MAGI1: variants seen among roughly 807,000 people sequenced by gnomAD.
MAGI1 encodes the protein membrane associated guanylate kinase, WW and PDZ domain containing 1.
Under a neutral mutation model 139.9 loss-of-function variants are expected in MAGI1, and 58 were observed. The ratio of observed to expected loss-of-function variants is 0.41; its 90% confidence interval spans 0.34 to 0.52. The LOEUF (loss-of-function observed/expected upper bound fraction) is 0.52, where lower values mean the gene tolerates loss of function less well. Among genes scored for constraint, MAGI1 ranks in the 20% least tolerant of loss-of-function variants. MAGI1 has a pLI of 0.12. For synonymous variants in MAGI1, 812 were observed against 737.9 expected (o/e 1.10, Z -1.63); for missense variants, 1,874 against 1,901.6 (o/e 0.99, Z 0.27).
At chr3:65,442,586 C>T (rs952310474) in intron 8 of MAGI1, among the ~76,000 whole-genome samples, 2 of 152,060 alleles carry the variant, frequency 1.3e-5, no homozygotes, top group Non-Finnish European at 2.9e-5. Flanking sequence ...ATGGATCCTG[C>T]CCATGTGAAT....
Position 65,356,888 on chromosome 3 carries a change from T to A in MAGI1, c.3879A>T (p.Ala1293=). 1.9e-6 allele frequency: 3 copies of A among 1,614,154 alleles called. No individual in the cohort carries two copies. In the South Asian group the frequency reaches 3.3e-5, roughly 18 times the overall value. ...NGTSRKPDSG[A]CRPKDRAPEG... ...CCGGCGCCCGGTCCTTGGGTCGGCATGCCCCGCTGTCGGGTTTCCTCGAAG... is the reference window on the plus strand; with the variant it reads ...CCGGCGCCCGGTCCTTGGGTCGGCAAGCCCCGCTGTCGGGTTTCCTCGAAG... The change falls in exon 23 of 23, where the codon GCA becomes GCT. Residue 1293 remains alanine, a synonymous_variant. Transcript: ENST00000402939.
intron 1 of MAGI1, among the ~76,000 whole-genome samples, chr3:65,908,536 G>A (rs185507068): frequency 8.8e-4 from 134 of 152,174 alleles, no homozygotes; most frequent in Middle Eastern, 6.8e-3. Flanking sequence ...CACCCGCCTC[G>A]GCCTCCCAAA....
intron 1 of MAGI1, among the ~76,000 whole-genome samples, chr3:65,729,669 T>A (rs2033987960): frequency 6.6e-6 from 1 of 152,174 alleles, no homozygotes. Flanking sequence ...GGAACCCATC[T>A]TTGAAGCTCC....
chr3:65,621,747 T>A (rs965982383), intron 2 of MAGI1, among the ~76,000 whole-genome samples: 1 of 152,168 alleles, frequency 6.6e-6, no homozygotes, highest in Admixed American at 6.5e-5. Context: ...AAAGTGGGCC[T>A]TACAAAGGGT....
At chr3:65,483,633 C>G (rs985096484) in intron 3 of MAGI1, among the ~76,000 whole-genome samples, 1 of 152,228 alleles carries the variant, frequency 6.6e-6, no homozygotes, top group African/African-American at 2.4e-5. Flanking sequence ...CCCACAGGCT[C>G]TGCGTTATCC....
chr3:65,927,393 C>T (rs1252251359), intron 1 of MAGI1, among the ~76,000 whole-genome samples: 8 of 152,142 alleles, frequency 5.3e-5, no homozygotes, highest in African/African-American at 9.7e-5. Flanking sequence ...CATAATCACG[C>T]CCACTGAATG....
chr3:65,878,880 A>G (rs1037473947), intron 1 of MAGI1, among the ~76,000 whole-genome samples: 14 of 152,256 alleles, frequency 9.2e-5, no homozygotes, highest in Admixed American at 8.5e-4. Flanking sequence ...AGGTAGGGGA[A>G]AGAGCAGAGG....
intron 6 of MAGI1, 196 bp downstream of exon 6, chr3:65,453,062 G>A: frequency 1.7e-6 from 1 of 582,486 alleles, no homozygotes; most frequent in Non-Finnish European, 3.1e-6. Flanking sequence ...CTGTCTTTAT[G>A]TGTAAACAAA....
intron 1 of MAGI1, among the ~76,000 whole-genome samples, chr3:65,854,107 CA>C (rs990836127): frequency 8.3e-5 from 11 of 132,654 alleles, no homozygotes; most frequent in Non-Finnish European, 6.5e-5. Flanking sequence ...GACTCTGTCT[CA>C]AAAAAAAAAG....
At chr3:65,624,427 G>C (rs1483758954) in intron 1 of MAGI1, among the ~76,000 whole-genome samples, 1 of 152,130 alleles carries the variant, frequency 6.6e-6, no homozygotes, top group Non-Finnish European at 1.5e-5. Flanking sequence ...AAGCACTGGG[G>C]TGTTACATAG....
At chr3:65,885,646 G>A (rs960744235) in intron 1 of MAGI1, among the ~76,000 whole-genome samples, 1 of 151,956 alleles carries the variant, frequency 6.6e-6, no homozygotes, top group African/African-American at 2.4e-5. Context: ...GAGATCTGAC[G>A]GTTTTATAAA....
chr3:65,659,884 G>C (rs756036535), intron 1 of MAGI1, among the ~76,000 whole-genome samples: 1 of 152,102 alleles, frequency 6.6e-6, no homozygotes, highest in Non-Finnish European at 1.5e-5. Flanking sequence ...CTCCAAATGA[G>C]TGGATGGCAA....
chr3:65,625,536 T>C (rs1190638405), intron 1 of MAGI1, among the ~76,000 whole-genome samples: 1 of 152,150 alleles, frequency 6.6e-6, no homozygotes, highest in Non-Finnish European at 1.5e-5. Context: ...AATAGAACAC[T>C]GATGTAATAT....
intron 1 of MAGI1, among the ~76,000 whole-genome samples, chr3:65,786,608 ATTTT>A (rs34768515): frequency 2.3e-4 from 30 of 128,368 alleles, no homozygotes; most frequent in East Asian, 2.3e-4. Flanking sequence ...TGGCCCAAGA[ATTTT>A]TTTTTTTTTT....
At chr3:65,984,051 T>C (rs2065739962) in intron 1 of MAGI1, among the ~76,000 whole-genome samples, 1 of 152,148 alleles carries the variant, frequency 6.6e-6, no homozygotes, top group Admixed American at 6.5e-5. Context: ...CCCAACACTT[T>C]GGGAGGCTAA....
At chr3:66,005,634 C>A (rs924083395) in intron 1 of MAGI1, among the ~76,000 whole-genome samples, 1 of 151,986 alleles carries the variant, frequency 6.6e-6, no homozygotes, top group African/African-American at 2.4e-5. Context: ...CATATTGAGG[C>A]CATCAGTGTG....
chr3:65,822,385 G>A (rs183068380), intron 1 of MAGI1, among the ~76,000 whole-genome samples: 31 of 152,082 alleles, frequency 2.0e-4, no homozygotes, highest in African/African-American at 5.1e-4. Flanking sequence ...AAAATTAGCC[G>A]AGTGCGGTGG....
chr3:65,453,375 G>C, intron 5 of MAGI1, 35 bp from the exon 6 acceptor site: 1 of 838,462 alleles, frequency 1.2e-6, no homozygotes, highest in Non-Finnish European at 1.8e-6. Context: ...AAATTTGTTT[G>C]AAAAAAAAAA....
intron 1 of MAGI1, among the ~76,000 whole-genome samples, chr3:65,963,851 T>G (rs1326037400): frequency 2.6e-5 from 4 of 152,218 alleles, no homozygotes; most frequent in African/African-American, 9.6e-5. Context: ...ATGCCAGGGA[T>G]AGAGTGGTAC....
Sources: allele counts gnomAD v4.1 joint callset (sites outside exome capture counted in the v4.1 genomes callset), GRCh38; gene constraint gnomAD v4.1.1; transcripts MANE v1.5; gene names NCBI Gene and HGNC (gene_info 2026-07-23, HGNC 2026-07-21).